BMERB1: variants seen among roughly 807,000 people sequenced by gnomAD.
BMERB1 encodes bMERB domain-containing protein 1.
A neutral mutation model predicts 23.6 loss-of-function variants in BMERB1; 12 were observed. That is an observed-to-expected ratio of 0.51 (90% CI 0.33 to 0.82). BMERB1 has a LOEUF of 0.82. Among genes scored for constraint, BMERB1 ranks in the 40% least tolerant of loss-of-function variants. The pLI is 0.03. For missense variants in BMERB1, 247 were observed against 255.4 expected, an observed-to-expected ratio of 0.97 and a Z score of 0.22; for synonymous variants, 122 against 96.6, an observed-to-expected ratio of 1.26 and a Z score of -1.54.
intron 1 of BMERB1, among the ~76,000 whole-genome samples, chr16:15,481,458 C>T (rs1346416688): frequency 1.3e-5 from 2 of 151,836 alleles, no homozygotes; most frequent in Non-Finnish European, 2.9e-5. Context: ...ACCCGGGAGG[C>T]GGAGCTTGCA....
At chr16:15,497,222 T>G (rs1487506522) in intron 1 of BMERB1, among the ~76,000 whole-genome samples, 3 of 152,136 alleles carry the variant, frequency 2.0e-5, no homozygotes, top group Non-Finnish European at 4.4e-5. Flanking sequence ...TAACTCAGTC[T>G]CACATCCATC....
At chr16:15,570,899 G>A (rs1422664777) in intron 3 of BMERB1, among the ~76,000 whole-genome samples, 1 of 151,970 alleles carries the variant, frequency 6.6e-6, no homozygotes, top group East Asian at 1.9e-4. Context: ...TGGCACTGAT[G>A]GGAGTACCTC....
chr16:15,517,273 C>T (rs955691987), intron 2 of BMERB1, among the ~76,000 whole-genome samples: 14 of 152,118 alleles, frequency 9.2e-5, no homozygotes, highest in South Asian at 6.2e-4. Flanking sequence ...CTTTGAGAGG[C>T]GGAGGTAGGT....
At chr16:15,489,441 T>C (rs1362507922) in intron 1 of BMERB1, among the ~76,000 whole-genome samples, 1 of 152,152 alleles carries the variant, frequency 6.6e-6, no homozygotes, top group Non-Finnish European at 1.5e-5. Context: ...AAAATTCCCC[T>C]CGCAGGTTCC....
In BMERB1 at chr16:15,558,571, G is replaced by A. The variant is rs192744792; in HGVS notation, c.231-9412G>A. On this transcript the variant is annotated intron_variant, in intron 2 of 5. Transcript: ENST00000300006. ...CATTGATCTCAACGGGTTCGAACTG[G>A]ACAGGAGCTGCCCCCATAGTCCTGA... 2.6e-3 allele frequency among the ~76,000 whole-genome samples: 401 copies of A among 152,202 alleles called. 1 individual carries two copies. Among genetic ancestry groups the A allele is most frequent in the Middle Eastern group, 6.8e-3 (2 of 294 alleles).
At chr16:15,465,964 T>G (rs1598453943) in intron 1 of BMERB1, among the ~76,000 whole-genome samples, 1 of 152,352 alleles carries the variant, frequency 6.6e-6, no homozygotes, top group South Asian at 2.1e-4. Flanking sequence ...TAGGTGAATA[T>G]ACCACAAATT....
chr16:15,485,132 A>G (rs765861021), intron 1 of BMERB1, among the ~76,000 whole-genome samples: 1 of 152,216 alleles, frequency 6.6e-6, no homozygotes, highest in African/African-American at 2.4e-5. Context: ...TATTGCCTCA[A>G]CTTGGATAAT....
chr16:15,496,883 C>G (rs1260007906), intron 1 of BMERB1, among the ~76,000 whole-genome samples: 3 of 152,148 alleles, frequency 2.0e-5, no homozygotes, highest in Non-Finnish European at 2.9e-5. Flanking sequence ...ATTTAAATAA[C>G]TTGTCCAGGG....
rs35139646 is a variant in BMERB1 at position 15,561,256 on chromosome 16, ATTTT to A, written c.231-6702_231-6699del. ...ACAGGTGTGAGCCACCACGCCGGCC[ATTTT>A]TTTTTTTTTTTTTTTTTTTTTTTTG... On this transcript the variant is annotated intron_variant, in intron 2 of 5. Transcript: ENST00000300006. Among the ~76,000 whole-genome samples, 265 of 42,242 alleles carry A rather than the reference ATTTT, an allele frequency of 6.3e-3. 2 individuals are homozygous for A. The highest frequency in any genetic ancestry group is 0.026 in the African/African-American group (248 of 9,360). The allele number at this position is 42,242 out of a possible 152,430, so 27.7% of individuals were successfully genotyped here.
intron 1 of BMERB1, among the ~76,000 whole-genome samples, chr16:15,447,587 A>T (rs988431917): frequency 2.2e-4 from 34 of 152,228 alleles, no homozygotes; most frequent in Non-Finnish European, 4.7e-4. Context: ...TGGTGCTCTC[A>T]GTAAATGGTG....
chr16:15,474,804 T>C (rs1451194974), intron 1 of BMERB1, among the ~76,000 whole-genome samples: 1 of 152,142 alleles, frequency 6.6e-6, no homozygotes, highest in Admixed American at 6.6e-5. Context: ...TTCTCCTGCC[T>C]CAGCCTCCCT....
chr16:15,575,325 A>G (rs547963685), intron 3 of BMERB1, among the ~76,000 whole-genome samples: 1 of 152,178 alleles, frequency 6.6e-6, no homozygotes, highest in African/African-American at 2.4e-5. Flanking sequence ...TTCAGTTTCT[A>G]TAGAAAACAA....
chr16:15,514,638 C>T (rs539171088), intron 1 of BMERB1, among the ~76,000 whole-genome samples: 1 of 151,688 alleles, frequency 6.6e-6, no homozygotes, highest in South Asian at 2.1e-4. Flanking sequence ...ATTAGCCGGG[C>T]CTGGTGGTGT....
chr16:15,510,843 A>G (rs2150948523), intron 1 of BMERB1, among the ~76,000 whole-genome samples: 1 of 152,152 alleles, frequency 6.6e-6, no homozygotes, highest in South Asian at 2.1e-4. Context: ...CTGGGATTAC[A>G]GGCACCTGCC....
intron 5 of BMERB1, chr16:15,583,883 G>C (rs2031077375): frequency 3.2e-6 from 2 of 630,006 alleles, no homozygotes; most frequent in Non-Finnish European, 5.7e-6. Flanking sequence ...TTTCATATTG[G>C]ATTGAACTCT....
At chr16:15,436,625 C>T (rs1598437952) in intron 1 of BMERB1, among the ~76,000 whole-genome samples, 1 of 152,034 alleles carries the variant, frequency 6.6e-6, no homozygotes, top group Admixed American at 6.6e-5. Flanking sequence ...CTATCAGATA[C>T]TAGATCTTAT....
chr16:15,549,294 A>G (rs1785316180), intron 2 of BMERB1, among the ~76,000 whole-genome samples: 1 of 151,024 alleles, frequency 6.6e-6, no homozygotes, highest in African/African-American at 2.4e-5. Flanking sequence ...AGCCCAGATC[A>G]AGATCACACC....
intron 1 of BMERB1, among the ~76,000 whole-genome samples, chr16:15,444,123 G>GTTTTTTTGTTTTTTTTTTTTTT (rs2050966633): frequency 2.8e-5 from 1 of 35,610 alleles, no homozygotes; most frequent in Non-Finnish European, 4.6e-5. Flanking sequence ...CACCAGCTTT[G>GTTTTTTTGTTTTTTTTTTTTTT]TTTTTTTTTT....
intron 1 of BMERB1, among the ~76,000 whole-genome samples, chr16:15,452,829 A>G (rs1052908847): frequency 2.0e-5 from 3 of 152,176 alleles, no homozygotes; most frequent in African/African-American, 7.2e-5. Context: ...TTGACTAGGA[A>G]GGAGGGCATC....
Sources: allele counts gnomAD v4.1 joint callset (sites outside exome capture counted in the v4.1 genomes callset), GRCh38; gene constraint gnomAD v4.1.1; transcripts MANE v1.5; gene names NCBI Gene and HGNC (gene_info 2026-07-23, HGNC 2026-07-21).